Variants in INPP4A observed in about 807,000 individuals in gnomAD.
INPP4A encodes inositol polyphosphate-4-phosphatase, type I, 107kD.
Under a neutral mutation model 119.8 loss-of-function variants are expected in INPP4A, and 33 were observed. That is an observed-to-expected ratio of 0.28 (90% CI 0.21 to 0.37). INPP4A has a LOEUF of 0.37. Among genes scored for constraint, INPP4A ranks in the 10% least tolerant of loss-of-function variants. The pLI, the probability that INPP4A is intolerant of heterozygous loss-of-function variation, is 1.00. For missense variants in INPP4A, 956 were observed against 1,289.9 expected, an observed-to-expected ratio of 0.74 and a Z score of 3.97; for synonymous variants, 496 against 500.7, an observed-to-expected ratio of 0.99 and a Z score of 0.12.
chr2:98,466,120 A>G (rs1674734222), intron 1 of INPP4A, among the ~76,000 whole-genome samples: 1 of 152,132 alleles, frequency 6.6e-6, no homozygotes, highest in South Asian at 2.1e-4. Flanking sequence ...ATCTCTGCTC[A>G]CTGCAACCTC....
At chr2:98,505,454 A>G (rs1168183446) in intron 1 of INPP4A, among the ~76,000 whole-genome samples, 1 of 152,224 alleles carries the variant, frequency 6.6e-6, no homozygotes, top group Admixed American at 6.5e-5. Flanking sequence ...GTTGAACCTG[A>G]AAGAGAGGAC....
chr2:98,581,752 A>G (rs1262762797), intron 24 of INPP4A: 1 of 1,608,532 alleles, frequency 6.2e-7, no homozygotes, highest in Admixed American at 1.7e-5. Context: ...TTGCGTTGCA[A>G]ATGAATATCA....
chr2:98,591,247 G>T lies in INPP4A; in HGVS notation c.*3639G>T, dbSNP rs1289642710. On this transcript the variant is annotated 3_prime_UTR_variant, in exon 25 of 25. Coordinates refer to ENST00000409851, the MANE Select transcript of INPP4A (RefSeq NM_001134225.2). ...GGTGTGGCTGCGTGCCCACGACGAGGGGCTGGACTAAAGTGCTCACTGGCA... is the reference window on the plus strand; with the variant it reads ...GGTGTGGCTGCGTGCCCACGACGAGTGGCTGGACTAAAGTGCTCACTGGCA... The T allele has an allele frequency of 1.2e-5, 2 of 171,222 alleles. No homozygotes were observed. Among genetic ancestry groups the T allele is most frequent in the Non-Finnish European group, 2.5e-5 (2 of 79,184 alleles). 10.6% of individuals were successfully genotyped at this position (171,222 alleles called of 1,614,324 possible). A position where few individuals can be genotyped will look rare whatever the true frequency, so the allele number is the denominator to read the frequency against.
chr2:98,563,631 C>T lies in INPP4A; in HGVS notation c.2022C>T (p.Cys674=), dbSNP rs1026876940. ...SLQYRRDVVF[C]QTLTALICGF... is the part of the protein sequence containing the mutation. ...AGTACCGCCGTGACGTGGTCTTCTG[C>T]CAGACGGTAGGCCCCGGGAGCACCC... The change falls in exon 18 of 25, where the codon TGC becomes TGT. Residue 674 remains cysteine, a synonymous_variant. Transcript: ENST00000409851. 1.2e-6 allele frequency: 2 copies of T among 1,612,436 alleles called. No individual in the cohort carries two copies. Among genetic ancestry groups the T allele is most frequent in the Non-Finnish European group, 8.5e-7 (1 of 1,179,808 alleles).
At chr2:98,500,137 A>G (rs1311283239) in intron 1 of INPP4A, among the ~76,000 whole-genome samples, 1 of 152,166 alleles carries the variant, frequency 6.6e-6, no homozygotes, top group Non-Finnish European at 1.5e-5. Flanking sequence ...ACCCTTAGTA[A>G]GGCCTAGTGT....
In INPP4A at chr2:98,554,227, C is replaced by G. The variant is rs1476890669; in HGVS notation, c.1348-44C>G. On this transcript the variant is annotated intron_variant, in intron 14 of 24. Coordinates refer to ENST00000409851, the MANE Select transcript of INPP4A (RefSeq NM_001134225.2). The surrounding 1 kb of genome is among the most constrained non-coding windows in gnomAD (Gnocchi z 4.7). ...TGAGATAAGGCAGGGGCCTCCCCAG[C>G]CCCTGGCCTGGGCTCAGCAGCCTTG... 1.3e-6 allele frequency: 2 copies of G among 1,487,588 alleles called. No homozygotes were observed. Among genetic ancestry groups the G allele is most frequent in the African/African-American group, 2.8e-5 (2 of 72,140 alleles). The allele number at this position is 1,487,588 out of a possible 1,614,324, so 92.1% of individuals were successfully genotyped here.
intron 5 of INPP4A, among the ~76,000 whole-genome samples, chr2:98,533,841 A>G (rs939740380): frequency 2.0e-5 from 3 of 152,252 alleles, no homozygotes; most frequent in Admixed American, 2.0e-4. Flanking sequence ...ATCAAAGCTT[A>G]GAAGAGTATT....
Position 98,566,052 on chromosome 2 carries a change from C to A in INPP4A, c.2303C>A (p.Pro768His). The A allele has an allele frequency of 1.2e-6, 2 of 1,606,012 alleles. No homozygotes were observed. The highest frequency in any genetic ancestry group is 2.3e-5 in the East Asian group (1 of 44,228). ...AGCGACGGGTTTAACGTGCGGGTCCCTCTGCCGGGCCCGCTGTTTGACGCC... is the reference window on the plus strand; with the variant it reads ...AGCGACGGGTTTAACGTGCGGGTCCATCTGCCGGGCCCGCTGTTTGACGCC... ...GNRDGFNVRV[P>H]LPGPLFDALP... is the part of the protein sequence containing the mutation. The change falls in exon 21 of 25, where the codon CCT becomes CAT. Residue 768 changes from proline (P) to histidine (H), a missense_variant. By Grantham distance (77) the Pro-to-His change is moderately conservative. Transcript: ENST00000409851. The surrounding 1 kb of genome is among the most constrained non-coding windows in gnomAD (Gnocchi z 4.2).
intron 13 of INPP4A, chr2:98,548,902 TG>T (rs1462449185): frequency 9.7e-6 from 15 of 1,549,326 alleles, no homozygotes; most frequent in Non-Finnish European, 1.2e-5. Context: ...TTTTTGCATT[TG>T]GTATTTGCTA....
intron 16 of INPP4A, among the ~76,000 whole-genome samples, chr2:98,556,599 C>T (rs1694532732): frequency 6.6e-6 from 1 of 152,230 alleles, no homozygotes; most frequent in South Asian, 2.1e-4. Flanking sequence ...TAGCTTCTGC[C>T]TCCTTTTTGT....
At chr2:98,581,285 G>A (rs1559119189) in intron 24 of INPP4A, among the ~76,000 whole-genome samples, 1 of 152,132 alleles carries the variant, frequency 6.6e-6, no homozygotes, top group African/African-American at 2.4e-5. Flanking sequence ...CAACCTACAT[G>A]TGTTTATTTT....
intron 1 of INPP4A, among the ~76,000 whole-genome samples, chr2:98,475,804 A>G (rs939851756): frequency 6.6e-6 from 1 of 151,756 alleles, no homozygotes; most frequent in Non-Finnish European, 1.5e-5. Context: ...GTGGGCAGGG[A>G]TGGGCCTCTG....
chr2:98,493,965 C>G (rs1681380503), intron 1 of INPP4A, among the ~76,000 whole-genome samples: 1 of 152,200 alleles, frequency 6.6e-6, no homozygotes. Context: ...AACAACCAAA[C>G]TTGGAAATTT....
intron 24 of INPP4A, among the ~76,000 whole-genome samples, chr2:98,585,233 G>T (rs1311349807): frequency 6.6e-6 from 1 of 151,788 alleles, no homozygotes; most frequent in East Asian, 1.9e-4. Flanking sequence ...CCCATGCTCA[G>T]CCATAGAATC....
intron 1 of INPP4A, among the ~76,000 whole-genome samples, chr2:98,477,235 A>G (rs912697065): frequency 6.6e-6 from 1 of 152,168 alleles, no homozygotes; most frequent in Non-Finnish European, 1.5e-5. Context: ...TGGAGCCCGG[A>G]TGGTCTGGCT....
intron 1 of INPP4A, among the ~76,000 whole-genome samples, chr2:98,496,557 A>C (rs577246910): frequency 6.6e-6 from 1 of 152,354 alleles, no homozygotes; most frequent in East Asian, 1.9e-4. Context: ...TCTGCACAGC[A>C]AAGGAAACAA....
At chr2:98,514,361 G>A (rs1019600397) in intron 1 of INPP4A, among the ~76,000 whole-genome samples, 7 of 152,156 alleles carry the variant, frequency 4.6e-5, no homozygotes, top group Non-Finnish European at 7.4e-5. Context: ...GGAGCGGTAA[G>A]AGTATCTTTG....
chr2:98,452,918 T>C (rs1407901659), intron 1 of INPP4A, among the ~76,000 whole-genome samples: 2 of 152,236 alleles, frequency 1.3e-5, no homozygotes, highest in African/African-American at 2.4e-5. Context: ...CCTACGCTGC[T>C]ACTCCTTGCT....
chr2:98,491,582 C>T (rs1300324495), intron 1 of INPP4A, among the ~76,000 whole-genome samples: 1 of 152,184 alleles, frequency 6.6e-6, no homozygotes, highest in Non-Finnish European at 1.5e-5. Context: ...GTGCAGCAAG[C>T]CAGGTGCGTT....
Sources: gnomAD v4.1 joint callset for allele counts (sites outside exome capture counted in the v4.1 genomes callset) on GRCh38, gnomAD v4.1.1 for gene constraint, Gnocchi (gnomAD v3.1) non-coding constraint, MANE v1.5 for transcripts, NCBI Gene and HGNC (gene_info 2026-07-23, HGNC 2026-07-21) for gene names.